The following TACC2 variants were observed in gnomAD, a reference collection of about 807,000 sequenced individuals.
TACC2 encodes transforming acidic coiled-coil-containing protein 2.
Under a neutral mutation model 227.3 loss-of-function variants are expected in TACC2, and 137 were observed. The observed-to-expected ratio is 0.60, with a 90% CI of 0.52 to 0.69. The LOEUF (loss-of-function observed/expected upper bound fraction) is 0.69, where lower values mean the gene tolerates loss of function less well. TACC2 is among the 30% of genes least tolerant of loss of function. The pLI is 0.00. For missense variants in TACC2, 3,470 were observed against 3,694.4 expected, an observed-to-expected ratio of 0.94 and a Z score of 1.57; for synonymous variants, 1,523 against 1,487.5, an observed-to-expected ratio of 1.02 and a Z score of -0.55.
chr10:122,096,740 G>GC (rs2081481143), intron 5 of TACC2, among the ~76,000 whole-genome samples: 1 of 151,500 alleles, frequency 6.6e-6, no homozygotes, highest in South Asian at 2.1e-4. Flanking sequence ...CTGGGAGGGA[G>GC]CCCAAATGGG....
chr10:122,073,464 G>C (rs994769525), intron 3 of TACC2, among the ~76,000 whole-genome samples: 1 of 152,156 alleles, frequency 6.6e-6, no homozygotes, highest in African/African-American at 2.4e-5. Flanking sequence ...GAGGTGAACA[G>C]TGTGTTTTGG....
At chr10:122,167,836 G>A (rs1301848556) in intron 7 of TACC2, among the ~76,000 whole-genome samples, 5 of 152,144 alleles carry the variant, frequency 3.3e-5, no homozygotes, top group Non-Finnish European at 7.3e-5. Context: ...AGAAACGGTC[G>A]CTGGGGCTCT....
rs887001296 is a variant in TACC2, at chr10:122,209,576, T to C, written c.5972-821T>C. On this transcript the variant is annotated intron_variant, in intron 8 of 22. Transcript: ENST00000369005. This position sits in a 1 kb window ranked among gnomAD's most constrained non-coding sequence, Gnocchi z 4.5. ...CACTTACCTTGATTCTGGCCTTTGC[T>C]TAGATGTCTCCTCAGAAGATCTTGC... Among the ~76,000 whole-genome samples the C allele has an allele frequency of 6.6e-6, 1 of 152,208 alleles. No homozygotes were observed. The highest frequency in any genetic ancestry group is 2.4e-5 in the African/African-American group (1 of 41,456).
At chr10:122,104,638 C>T (rs1299689795) in intron 5 of TACC2, among the ~76,000 whole-genome samples, 5 of 152,116 alleles carry the variant, frequency 3.3e-5, no homozygotes, top group South Asian at 2.1e-4. Flanking sequence ...CCCAAAGTGC[C>T]GGGATTACAG....
At chr10:122,013,080 C>T (rs1421412012) in intron 1 of TACC2, among the ~76,000 whole-genome samples, 4 of 152,130 alleles carry the variant, frequency 2.6e-5, no homozygotes, top group African/African-American at 4.8e-5. Context: ...AACTAATAAC[C>T]GGCCCAGCCT....
Position 122,083,526 on chromosome 10 carries a change from G to C in TACC2, c.1026G>C (p.Pro342=). The part of the protein sequence containing the change: ...SCQQPVGAYL[P]HAELPWGLPS... ...AGCAGCCAGTGGGAGCATATCTGCC[G>C]CACGCAGAGCTGCCCTGGGGCTTGC... is the stretch of plus-strand genomic sequence containing the variant. The change falls in exon 4 of 23, where the codon CCG becomes CCC. Residue 342 remains proline (P), a synonymous_variant. Coordinates refer to ENST00000369005, the MANE Select transcript of TACC2 (RefSeq NM_206862.4). 6.2e-7 allele frequency: 1 copy of C among 1,613,150 alleles called. No individual in the cohort carries two copies. Among genetic ancestry groups the C allele is most frequent in the Non-Finnish European group, 8.5e-7 (1 of 1,179,986 alleles).
chr10:122,244,428 G>T (rs1418841701), intron 19 of TACC2, among the ~76,000 whole-genome samples: 1 of 152,134 alleles, frequency 6.6e-6, no homozygotes, highest in Admixed American at 6.5e-5. Flanking sequence ...CAGGTGACAG[G>T]CCTGTGGTTG....
At chr10:122,253,333 G>T (rs983151274) in intron 22 of TACC2, among the ~76,000 whole-genome samples, 3 of 152,200 alleles carry the variant, frequency 2.0e-5, no homozygotes, top group African/African-American at 7.2e-5. Flanking sequence ...ATGATGGAGG[G>T]ATCGTCCCGT....
intron 2 of TACC2, among the ~76,000 whole-genome samples, chr10:122,049,046 G>A (rs1020405794): frequency 6.6e-6 from 1 of 152,240 alleles, no homozygotes; most frequent in African/African-American, 2.4e-5. Flanking sequence ...TGTCAAAGGT[G>A]TTTGACCAGG....
At chr10:122,025,443 A>G (rs1747743435) in intron 2 of TACC2, among the ~76,000 whole-genome samples, 1 of 151,690 alleles carries the variant, frequency 6.6e-6, no homozygotes, top group South Asian at 2.1e-4. Context: ...TTGTATTTTT[A>G]GTAGAGACGA....
In TACC2 at chr10:122,190,470, C is replaced by T. The variant is rs181011712; in HGVS notation, c.5835-4570C>T. On this transcript the variant is annotated intron_variant, in intron 7 of 22. Coordinates refer to ENST00000369005, the MANE Select transcript of TACC2 (RefSeq NM_206862.4). ...CGAACTAGTACACAGTCGAGGAGCT[C>T]GGCAGGGTCCTGTTTTCGTGGCCAG... 9.7e-4 allele frequency among the ~76,000 whole-genome samples: 148 copies of T among 152,238 alleles called. 1 individual carries two copies. Among genetic ancestry groups the T allele is most frequent in the African/African-American group, 3.0e-3 (125 of 41,560 alleles).
intron 1 of TACC2, among the ~76,000 whole-genome samples, chr10:121,989,995 G>A (rs537824211): frequency 5.9e-5 from 9 of 152,086 alleles, no homozygotes; most frequent in East Asian, 1.9e-4. Flanking sequence ...TGCATCTCCC[G>A]TCACTTAGAT....
intron 7 of TACC2, among the ~76,000 whole-genome samples, chr10:122,145,923 T>C (rs2091315116): frequency 1.3e-5 from 2 of 152,212 alleles, no homozygotes; most frequent in Admixed American, 1.3e-4. Context: ...CTGAATCTCA[T>C]TCATTTACAC....
Position 122,122,995 on chromosome 10 carries a change from T to C in TACC2, c.5574-9614T>C, listed in dbSNP as rs543765462. Among the ~76,000 whole-genome samples, 17 of 152,180 alleles carry C rather than the reference T, an allele frequency of 1.1e-4. No individual in the cohort carries two copies. In the South Asian group the frequency reaches 2.9e-3, roughly 26 times the overall value. ...GTTTCTCCTCTGCTGCTGAGAGAGGTTGGCCTCTCTGGTTTTGGAGATCAT... is the reference window on the plus strand; with the variant it reads ...GTTTCTCCTCTGCTGCTGAGAGAGGCTGGCCTCTCTGGTTTTGGAGATCAT... On this transcript the variant is annotated intron_variant, in intron 5 of 22. Transcript: ENST00000369005.
intron 5 of TACC2, among the ~76,000 whole-genome samples, chr10:122,124,865 C>A (rs181890658): frequency 6.6e-6 from 1 of 152,098 alleles, no homozygotes; most frequent in Admixed American, 6.5e-5. Flanking sequence ...GTATATGTAC[C>A]TATATATCCA....
intron 3 of TACC2, among the ~76,000 whole-genome samples, chr10:122,077,672 G>T (rs1179490519): frequency 6.6e-6 from 1 of 152,212 alleles, no homozygotes; most frequent in East Asian, 1.9e-4. Flanking sequence ...AGAATGAAGG[G>T]GGCCAGAGAG....
At chr10:121,990,683 C>T (rs1193477801) in intron 1 of TACC2, among the ~76,000 whole-genome samples, 2 of 152,198 alleles carry the variant, frequency 1.3e-5, no homozygotes, top group African/African-American at 2.4e-5. Flanking sequence ...CACTGCTTTC[C>T]ATTACCCACA....
intron 5 of TACC2, among the ~76,000 whole-genome samples, chr10:122,101,013 T>A (rs2082078445): frequency 6.6e-6 from 1 of 152,066 alleles, no homozygotes; most frequent in African/African-American, 2.4e-5. Context: ...TACCCCTACC[T>A]CCCACCAGAG....
intron 1 of TACC2, among the ~76,000 whole-genome samples, chr10:121,999,467 C>A (rs543533896): frequency 6.6e-6 from 1 of 152,362 alleles, no homozygotes; most frequent in African/African-American, 2.4e-5. Context: ...ACAGATGAGA[C>A]AAGCAACGCT....
Sources: gnomAD v4.1 joint callset for allele counts (sites outside exome capture counted in the v4.1 genomes callset) on GRCh38, gnomAD v4.1.1 for gene constraint, Gnocchi (gnomAD v3.1) non-coding constraint, MANE v1.5 for transcripts, NCBI Gene and HGNC (gene_info 2026-07-23, HGNC 2026-07-21) for gene names.